Variants in PTOV1 observed in about 807,000 individuals in gnomAD.
PTOV1 encodes the protein prostate tumor-overexpressed gene 1 protein.
In PTOV1, 20 loss-of-function variants were observed where a neutral mutation model predicts 58.0. The observed-to-expected ratio is 0.34, with a 90% CI of 0.24 to 0.50. The LOEUF is 0.50. Among genes scored for constraint, PTOV1 ranks in the 20% least tolerant of loss-of-function variants. The pLI is 0.98. For missense variants in PTOV1, 593 were observed against 565.4 expected (o/e 1.05, Z -0.50); for synonymous variants, 335 against 234.2 (o/e 1.43, Z -3.93).
At chr19:49,856,843 A>G in intron 5 of PTOV1, 132 bp from the exon 6 acceptor site, 2 of 1,097,760 alleles carry the variant, frequency 1.8e-6, no homozygotes, top group Non-Finnish European at 2.6e-6. Context: ...ACCTATGGCC[A>G]TGGCCTTGAC....
rs762186484 is a variant in PTOV1 at position 49,857,892 on chromosome 19, C to T, written c.805-12C>T. 47 of 1,613,080 alleles carry T rather than the reference C, an allele frequency of 2.9e-5. No homozygotes were observed. The Admixed American group carries it at 7.8e-4, about 27-fold the overall frequency. On this transcript the variant is annotated splice_polypyrimidine_tract_variant and intron_variant, in intron 7 of 11. Coordinates refer to ENST00000391842, the Ensembl canonical transcript of PTOV1. Reference sequence around the variant, plus strand: ...CAGCCCTGAGGGCTCCTCTTTGCCTCTCCCCCAAAAGCCCAGGCCTGAGCC... The same window carrying T: ...CAGCCCTGAGGGCTCCTCTTTGCCTTTCCCCCAAAAGCCCAGGCCTGAGCC...
At chr19:49,860,141 G>A (rs1031681695) in exon 11 of PTOV1, 1 of 1,614,226 alleles carries the variant, frequency 6.2e-7, no homozygotes. Context: ...ACCAGCAGCA[G>A]GTCCTGCAGC....
Position 49,858,656 on chromosome 19 carries a change from G to A in PTOV1, c.1041+3G>A. The A allele has an allele frequency of 6.3e-7, 1 of 1,590,558 alleles. No homozygotes were observed. Among genetic ancestry groups the A allele is most frequent in the Non-Finnish European group, 8.6e-7 (1 of 1,167,718 alleles). On this transcript the variant is annotated splice_donor_region_variant and intron_variant, in intron 10 of 11. Transcript: ENST00000391842. ...GCCGGATCATGGACAATGGCTTCGT[G>A]AGTGGTGCCAGCAGACGCAGGGGAG...
intron 1 of PTOV1, chr19:49,852,173 C>A (rs2074278989): frequency 1.4e-6 from 1 of 724,168 alleles, no homozygotes; most frequent in Non-Finnish European, 1.7e-6. Context: ...GACTTTGCAC[C>A]GTGCACACGC....
Position 49,854,692 on chromosome 19 carries a change from G to A in PTOV1, c.350G>A (p.Arg117Gln), listed in dbSNP as rs764053837. 47 of 1,613,302 alleles carry A rather than the reference G, an allele frequency of 2.9e-5. No individual in the cohort carries two copies. The highest frequency in any genetic ancestry group is 6.7e-5 in the Admixed American group (4 of 59,992). ...TCTGACTCCACTGCAAAGCTGAAGC[G>A]GACCCTGCCCTGCCAAGCCTACGTG... The change falls in exon 3 of 12, where the codon CGG becomes CAG. Residue 117 changes from arginine to glutamine, a missense_variant. Arg to Gln is a conservative substitution (Grantham distance 43). Transcript: ENST00000391842.
At chr19:49,851,184 T>A (rs537098715) in exon 1 of PTOV1, 13 of 1,218,724 alleles carry the variant, frequency 1.1e-5, no homozygotes, top group Non-Finnish European at 1.1e-5. Context: ...GCGACCCCAC[T>A]CCGGCGGCGC....
At chr19:49,851,497 A>T (rs1281945995) in exon 1 of PTOV1, 1 of 1,149,010 alleles carries the variant, frequency 8.7e-7, no homozygotes, top group South Asian at 4.3e-5. Context: ...GGCCCCTCCC[A>T]TGGTGAGCCC....
At position 49,856,786 on chromosome 19, in the gene PTOV1, G is replaced by A. The variant is rs564722934; in HGVS notation, c.559-189G>A. 4.8e-5 allele frequency: 32 copies of A among 665,568 alleles called. No homozygotes were observed. In the South Asian group the frequency reaches 6.6e-4, roughly 14 times the overall value. The allele number at this position is 665,568 out of a possible 1,614,324, so 41.2% of individuals were successfully genotyped here. A position where few individuals can be genotyped will look rare whatever the true frequency, so the allele number is the denominator to read the frequency against. ...GCCACTCTGACCTCAGCCATGGCAG[G>A]GTCGGGGGATGCCGATGGGCGCTGC... On this transcript the variant is annotated intron_variant, in intron 5 of 11. Coordinates refer to ENST00000391842, the Ensembl canonical transcript of PTOV1.
chr19:49,860,380 G>GT (rs2122295935), exon 12 of PTOV1: 3 of 1,170,844 alleles, frequency 2.6e-6, no homozygotes, highest in Admixed American at 5.0e-5. Context: ...CCTGGGGCAT[G>GT]TGGGGGGGGT....
At chr19:49,854,656 G>A (rs774539379) in exon 3 of PTOV1, 16 of 1,613,442 alleles carry the variant, frequency 9.9e-6, no homozygotes, top group Admixed American at 1.7e-5. Context: ...CCACAGAAGC[G>A]CAGACCCTAC....
At chr19:49,857,512 T>A in intron 6 of PTOV1, 181 bp from the exon 7 acceptor site, 1 of 657,610 alleles carries the variant, frequency 1.5e-6, no homozygotes, top group South Asian at 1.9e-5. Flanking sequence ...CTCAGGCCAC[T>A]GGGGAGCCAT....
chr19:49,859,914 C>A, intron 10 of PTOV1, 72 bp from the exon 11 acceptor site: 2 of 1,529,002 alleles, frequency 1.3e-6, no homozygotes, highest in Non-Finnish European at 1.8e-6. Flanking sequence ...GAGCCCACGG[C>A]ATGATGCCGT....
chr19:49,858,754 C>T, intron 10 of PTOV1, 101 bp downstream of exon 10: 1 of 1,012,498 alleles, frequency 9.9e-7, no homozygotes, highest in Admixed American at 2.1e-5. Context: ...GCACCATGTC[C>T]CAGACCAGCT....
At position 49,857,872 on chromosome 19, in the gene PTOV1, C is replaced by T. The variant is rs749191351; in HGVS notation, c.805-32C>T. 1.6e-5 allele frequency: 26 copies of T among 1,612,538 alleles called. No homozygotes were observed. In the African/African-American group the frequency reaches 2.8e-4, roughly 17 times the overall value. ...ACACTGGCATTGGGGGTCTCCAGCCCTGAGGGCTCCTCTTTGCCTCTCCCC... is the reference window on the plus strand; with the variant it reads ...ACACTGGCATTGGGGGTCTCCAGCCTTGAGGGCTCCTCTTTGCCTCTCCCC... On this transcript the variant is annotated intron_variant, in intron 7 of 11. Transcript: ENST00000391842.
Position 49,860,263 on chromosome 19 carries a change from C to G in PTOV1, c.1240-5C>G, listed in dbSNP as rs374488487. ...TCACCACTGGCCTCTGATTTCTCGC[C>G]GTAGATGGGGGGGTAGTGGTTACCC... On this transcript the variant is annotated splice_region_variant and splice_polypyrimidine_tract_variant and intron_variant, in intron 11 of 11. Coordinates refer to ENST00000391842, the Ensembl canonical transcript of PTOV1. 1 of 1,613,554 alleles carries G rather than the reference C, an allele frequency of 6.2e-7. No individual in the cohort carries two copies.
intron 1 of PTOV1, among the ~76,000 whole-genome samples, chr19:49,853,877 G>A (rs185557862): frequency 1.1e-4 from 17 of 152,354 alleles, no homozygotes; most frequent in African/African-American, 4.1e-4. Flanking sequence ...AGGCCAGAGA[G>A]GTGGGCACTG....
exon 10 of PTOV1, chr19:49,858,584 G>C: frequency 1.2e-6 from 2 of 1,606,050 alleles, no homozygotes; most frequent in Non-Finnish European, 1.7e-6. Flanking sequence ...ACTCGCGCCT[G>C]GTCCAGTTCC....
chr19:49,852,031 G>C (rs2122167604), intron 1 of PTOV1: 1 of 985,490 alleles, frequency 1.0e-6, no homozygotes, highest in Non-Finnish European at 1.2e-6. Context: ...GGACTGCCGT[G>C]AGCCCAGACC....
exon 12 of PTOV1, chr19:49,860,350 C>G: frequency 2.0e-6 from 3 of 1,515,370 alleles, no homozygotes; most frequent in Non-Finnish European, 1.8e-6. Flanking sequence ...AGTGGTGACC[C>G]TGTCATGTAC....
Sources: gnomAD v4.1 joint callset for allele counts (sites outside exome capture counted in the v4.1 genomes callset) on GRCh38, gnomAD v4.1.1 for gene constraint, MANE v1.5 for transcripts, NCBI Gene and HGNC (gene_info 2026-07-23, HGNC 2026-07-21) for gene names.